Variants in SCN3A observed in about 807,000 individuals in gnomAD.
The protein encoded by SCN3A is sodium channel protein type 3 subunit alpha.
SCN3A carries 60 observed loss-of-function variants against 187.6 expected under a neutral mutation model. That is an observed-to-expected ratio of 0.32 (90% CI 0.26 to 0.40). SCN3A has a LOEUF of 0.40. SCN3A is among the 10% of genes least tolerant of loss of function. The probability of loss-of-function intolerance (pLI) is 1.00; values close to 1 mark genes in which losing one functional copy is unlikely to be tolerated. For missense variants in SCN3A, 1,601 were observed against 2,428.2 expected (o/e 0.66, Z 7.16); for synonymous variants, 788 against 829.2 (o/e 0.95, Z 0.85).
At chr2:165,111,698 A>G (rs1216863823) in intron 21 of SCN3A, among the ~76,000 whole-genome samples, 1 of 152,138 alleles carries the variant, frequency 6.6e-6, no homozygotes, top group Admixed American at 6.6e-5. Flanking sequence ...TAGTTTTCTC[A>G]TGTCTTGAAT....
intron 21 of SCN3A, among the ~76,000 whole-genome samples, chr2:165,110,303 T>C (rs1344592266): frequency 6.6e-6 from 1 of 152,228 alleles, no homozygotes; most frequent in East Asian, 1.9e-4. Context: ...CTCAAAAATA[T>C]TTATTGAATA....
chr2:165,161,137 C>CTTTT (rs61608647), intron 9 of SCN3A, among the ~76,000 whole-genome samples: 1,492 of 93,390 alleles, frequency 0.016, no homozygotes, highest in Non-Finnish European at 0.024. Context: ...TTCTTTCTTT[C>CTTTT]TTTTTTTTTT....
intron 11 of SCN3A, 33 bp from the exon 12 acceptor site, chr2:165,147,062 A>G (rs1688396874): frequency 4.3e-6 from 7 of 1,613,034 alleles, no homozygotes; most frequent in Non-Finnish European, 5.9e-6. Context: ...ACTATTTAGA[A>G]CACAGAGCTT....
intron 5 of SCN3A, among the ~76,000 whole-genome samples, chr2:165,165,643 A>G (rs1228376130): frequency 6.6e-6 from 1 of 152,002 alleles, no homozygotes; most frequent in Admixed American, 6.6e-5. Flanking sequence ...ATTTAAGTTT[A>G]TTTTTCAGAG....
intron 9 of SCN3A, 146 bp from the exon 10 acceptor site, chr2:165,156,049 C>A: frequency 1.1e-6 from 1 of 914,394 alleles, no homozygotes; most frequent in Non-Finnish European, 1.7e-6. Context: ...AGGTGATTGC[C>A]CACCGTGAAA....
intron 1 of SCN3A, among the ~76,000 whole-genome samples, chr2:165,189,495 G>A (rs1327276835): frequency 1.3e-5 from 2 of 151,978 alleles, no homozygotes; most frequent in Non-Finnish European, 1.5e-5. Flanking sequence ...GAAATTCTTT[G>A]GTTTTCAAAT....
rs188052320 is a variant in SCN3A, at chr2:165,100,229, G to C, written c.3966+73C>G. 1.6e-5 allele frequency: 24 copies of C among 1,490,208 alleles called. No individual in the cohort carries two copies. In the Admixed American group the frequency reaches 4.0e-4, roughly 25 times the overall value. 92.3% of individuals were successfully genotyped at this position (1,490,208 alleles called of 1,614,324 possible). On this transcript the variant is annotated intron_variant, in intron 22 of 27. Transcript: ENST00000283254. ...ATGAAATAAATATCAGAAGAGTATG[G>C]CACCCTTTTCTATCTAAATCATTAC...
chr2:165,088,404 A>C lies in SCN3A; in HGVS notation c.*1746T>G, dbSNP rs1465524804. The C allele has an allele frequency of 6.6e-6, 1 of 152,484 alleles. No individual in the cohort carries two copies. The highest frequency in any genetic ancestry group is 1.5e-5 in the Non-Finnish European group (1 of 67,960). The allele number at this position is 152,484 out of a possible 1,614,324, so 9.4% of individuals were successfully genotyped here. On this transcript the variant is annotated 3_prime_UTR_variant, in exon 28 of 28. Coordinates refer to ENST00000283254, the MANE Select transcript of SCN3A (RefSeq NM_006922.4). ...TAATAGCTTTAGTGCAGCAGGAATT[A>C]AAAAAATAAGACTAGTCTGCATACG...
In SCN3A at chr2:165,140,357, C is replaced by T. The variant is rs376933394; in HGVS notation, c.2019+294G>A. ...TGGTGAAAATGTCCATTATTTGTCT[C>T]GGTAGGTCTACCAAATTTGCAGATA... On this transcript the variant is annotated intron_variant, in intron 13 of 27. Coordinates refer to ENST00000283254, the MANE Select transcript of SCN3A (RefSeq NM_006922.4). The surrounding 1 kb of genome is among the most constrained non-coding windows in gnomAD (Gnocchi z 4.2). Among the ~76,000 whole-genome samples the T allele has an allele frequency of 1.3e-5, 2 of 151,810 alleles. No homozygotes were observed. Among genetic ancestry groups the T allele is most frequent in the South Asian group, 2.1e-4 (1 of 4,760 alleles).
At chr2:165,130,685 C>T (rs988609841) in intron 16 of SCN3A, among the ~76,000 whole-genome samples, 14 of 149,722 alleles carry the variant, frequency 9.4e-5, no homozygotes, top group Non-Finnish European at 1.6e-4. Flanking sequence ...TTTTATAGGC[C>T]AATATAAAAG....
chr2:165,124,731 T>G (rs1264602954), intron 18 of SCN3A, among the ~76,000 whole-genome samples: 1 of 152,150 alleles, frequency 6.6e-6, no homozygotes, highest in Non-Finnish European at 1.5e-5. Flanking sequence ...GCATTGCTGT[T>G]TTTCCATTTT....
At chr2:165,176,877 C>T (rs902369375) in intron 2 of SCN3A, among the ~76,000 whole-genome samples, 2 of 152,072 alleles carry the variant, frequency 1.3e-5, no homozygotes, top group Admixed American at 1.3e-4. Context: ...GCATCCTGCC[C>T]CCCGCCTTTT....
At chr2:165,100,213 A>G (rs1685539195) in intron 22 of SCN3A, 89 bp downstream of exon 22, 2 of 1,411,564 alleles carry the variant, frequency 1.4e-6, no homozygotes, top group Admixed American at 1.7e-5. Flanking sequence ...TATGAAATAA[A>G]TATCAGAAGA....
In SCN3A at chr2:165,162,614, C is replaced by T. The variant is rs1689477767; in HGVS notation, c.909G>A (p.Gly303=). The T allele has an allele frequency of 1.2e-6, 2 of 1,614,094 alleles. No individual in the cohort carries two copies. Among genetic ancestry groups the T allele is most frequent in the Non-Finnish European group, 1.7e-6 (2 of 1,179,976 alleles). Residue 303 remains glycine (G), a synonymous_variant, in exon 8 of 28, where the codon GGG becomes GGA. Coordinates refer to ENST00000283254, the MANE Select transcript of SCN3A (RefSeq NM_006922.4). The part of the protein sequence containing the change: ...SYFNGTMDSN[G]TFVNVTMSTF... ...TGCTCATTGTTACATTAACAAATGTCCCATTTGAATCCATTGTGCCATTAA... is the reference window on the plus strand; with the variant it reads ...TGCTCATTGTTACATTAACAAATGTTCCATTTGAATCCATTGTGCCATTAA...
chr2:165,102,796 T>C (rs1011118934), intron 21 of SCN3A, among the ~76,000 whole-genome samples: 4 of 152,204 alleles, frequency 2.6e-5, no homozygotes, highest in Non-Finnish European at 5.9e-5. Context: ...CTAGAATTTC[T>C]AGAAGTTCCC....
In SCN3A at chr2:165,140,773, T is replaced by C; in HGVS notation, c.1897A>G (p.Arg633Gly). 1.9e-6 allele frequency: 3 copies of C among 1,614,148 alleles called. No homozygotes were observed. Among genetic ancestry groups the C allele is most frequent in the South Asian group, 1.1e-5 (1 of 91,084 alleles). ...SNVSQASMSS[R>G]MVPGLPANGK... ...TTTGCTGGAAGCCCTGGCACCATCC[T>C]GGATGACATACTGGCCTGACTAACG... Residue 633 changes from arginine (R) to glycine (G), a missense_variant, in exon 13 of 28, where the codon AGG (arginine) becomes GGG (glycine). Arg to Gly is a moderately radical substitution (Grantham distance 125, BLOSUM62 -2). Around this residue, in one of 11 missense-constraint regions of SCN3A, gnomAD observed 376 missense variants for 476.0 expected, o/e 0.79. Transcript: ENST00000283254. This position sits in a 1 kb window ranked among gnomAD's most constrained non-coding sequence, Gnocchi z 4.2.
chr2:165,148,933 A>C (rs1688511014), intron 11 of SCN3A, among the ~76,000 whole-genome samples: 2 of 152,192 alleles, frequency 1.3e-5, no homozygotes, highest in South Asian at 4.1e-4. Flanking sequence ...AGTTAAATAT[A>C]GTTACAGAGT....
At chr2:165,137,204 G>C (rs576675467) in intron 15 of SCN3A, among the ~76,000 whole-genome samples, 2 of 152,210 alleles carry the variant, frequency 1.3e-5, no homozygotes, top group Admixed American at 6.5e-5. Context: ...TACTTAGTTT[G>C]TTAGTCTACC....
At chr2:165,188,090 G>A (rs763408947) in intron 1 of SCN3A, among the ~76,000 whole-genome samples, 9 of 152,152 alleles carry the variant, frequency 5.9e-5, no homozygotes, top group Non-Finnish European at 1.3e-4. Flanking sequence ...GCTGGGATGT[G>A]GAGGGGGATG....
Sources: allele counts gnomAD v4.1 joint callset (sites outside exome capture counted in the v4.1 genomes callset), GRCh38; gene constraint gnomAD v4.1.1; regional missense constraint gnomAD v4.1.1; non-coding constraint Gnocchi (gnomAD v3.1); transcripts MANE v1.5; gene names NCBI Gene and HGNC (gene_info 2026-07-23, HGNC 2026-07-21).